Variants in MMS19 observed in about 807,000 individuals in gnomAD.
The protein encoded by MMS19 is MMS19 cytosolic iron-sulfur assembly component.
Under a neutral mutation model 129.8 loss-of-function variants are expected in MMS19, and 77 were observed. The observed-to-expected ratio is 0.59, with a 90% confidence interval of 0.49 to 0.72. The LOEUF (loss-of-function observed/expected upper bound fraction) is 0.72, where lower values mean the gene tolerates loss of function less well. Among genes scored for constraint, MMS19 ranks in the 30% least tolerant of loss-of-function variants. The pLI, the probability that MMS19 is intolerant of heterozygous loss-of-function variation, is 0.00. For missense variants in MMS19, 1,168 were observed against 1,266.3 expected (o/e 0.92, Z 1.18); for synonymous variants, 491 against 502.8 (o/e 0.98, Z 0.31).
chr10:97,464,908 C>T (rs964461123), intron 18 of MMS19, among the ~76,000 whole-genome samples: 4 of 152,014 alleles, frequency 2.6e-5, no homozygotes, highest in Admixed American at 6.6e-5. Context: ...CATGTTGCAT[C>T]GGCTGGTTAG....
At chr10:97,461,749 G>T (rs1389655032) in intron 22 of MMS19, 79 bp downstream of exon 22, 17 of 1,550,076 alleles carry the variant, frequency 1.1e-5, no homozygotes, top group Non-Finnish European at 1.3e-5. Flanking sequence ...TAAAAGATCA[G>T]CTTAGCCTGT....
intron 29 of MMS19, 41 bp from the exon 30 acceptor site, chr10:97,458,941 G>C: frequency 1.3e-6 from 2 of 1,581,788 alleles, no homozygotes; most frequent in South Asian, 2.2e-5. Flanking sequence ...CTCATCCAAG[G>C]CAACTGAAAG....
At chr10:97,470,713 T>C (rs2034512229) in intron 9 of MMS19, 62 bp downstream of exon 9, 7 of 1,044,430 alleles carry the variant, frequency 6.7e-6, no homozygotes, top group Non-Finnish European at 1.0e-5. Flanking sequence ...ATGCTTTTAC[T>C]GCTCTTTCTT....
intron 19 of MMS19, chr10:97,462,927 A>T (rs773174918): frequency 9.4e-5 from 38 of 404,252 alleles, no homozygotes; most frequent in Non-Finnish European, 1.4e-4. Flanking sequence ...CAACAGTGGG[A>T]AAGAGGGATA....
At chr10:97,475,816 G>A (rs774078357) in intron 8 of MMS19, among the ~76,000 whole-genome samples, 2 of 152,102 alleles carry the variant, frequency 1.3e-5, no homozygotes, top group African/African-American at 2.4e-5. Context: ...AGAAGAATGT[G>A]GGAGCTAAAC....
intron 1 of MMS19, among the ~76,000 whole-genome samples, chr10:97,489,082 C>T (rs1270344775): frequency 6.6e-6 from 1 of 152,132 alleles, no homozygotes; most frequent in Non-Finnish European, 1.5e-5. Flanking sequence ...CTCAAGTGAT[C>T]CGCCTGCCTT....
Position 97,462,403 on chromosome 10 carries a change from C to T in MMS19, c.2012+180G>A, listed in dbSNP as rs74847257. 3.5e-3 allele frequency among the ~76,000 whole-genome samples: 530 copies of T among 152,364 alleles called. 2 individuals are homozygous for T. The highest frequency in any genetic ancestry group is 5.3e-3 in the Non-Finnish European group (363 of 68,034). On this transcript the variant is annotated intron_variant, in intron 20 of 30. Transcript: ENST00000438925. ...ACCACTGGCCCTGGCTTCCCACCCT[C>T]ATAGTCCATGGTGCTAAGAGCCCCT...
Position 97,477,379 on chromosome 10 carries a change from A to G in MMS19, c.461T>C (p.Ile154Thr), listed in dbSNP as rs2035954621. ...CCGGGTTCGCATAAAATTGGTGATG[A>G]TATTGTAGACTGTGTGTCGGTCCAC... The part of the protein sequence containing the change: ...PQVDRHTVYN[I>T]ITNFMRTREE... Residue 154 changes from isoleucine (I) to threonine (T), a missense_variant, in exon 6 of 31, where the codon ATC becomes ACC. By Grantham distance (89) the Ile-to-Thr change is moderately conservative (BLOSUM62 -1). This residue lies in a region of MMS19 where 329 missense variants were observed against 328.6 expected (regional missense o/e 1.00). Transcript: ENST00000438925. 6.2e-7 allele frequency: 1 copy of G among 1,613,882 alleles called. No homozygotes were observed. The highest frequency in any genetic ancestry group is 1.1e-5 in the South Asian group (1 of 91,078).
intron 1 of MMS19, among the ~76,000 whole-genome samples, chr10:97,487,716 AT>A (rs1480931197): frequency 6.6e-6 from 1 of 152,240 alleles, no homozygotes; most frequent in Non-Finnish European, 1.5e-5. Flanking sequence ...AATAATGATC[AT>A]AGGACAAACT....
rs1233708906 is a variant in MMS19, at chr10:97,462,578, C to T, written c.2012+5G>A. 6.2e-7 allele frequency: 1 copy of T among 1,609,236 alleles called. No individual in the cohort carries two copies. The highest frequency in any genetic ancestry group is 1.1e-5 in the South Asian group (1 of 90,968). On this transcript the variant is annotated splice_donor_5th_base_variant and intron_variant, in intron 20 of 30. Transcript: ENST00000438925. ...GGTTCAAGCCACATCCATGATTATA[C>T]TTACTCAGGGCTCAGGTGGGTTGTA...
intron 1 of MMS19, among the ~76,000 whole-genome samples, chr10:97,488,231 C>A (rs998419241): frequency 6.6e-5 from 10 of 152,168 alleles, no homozygotes; most frequent in Non-Finnish European, 1.2e-4. Flanking sequence ...TTAAACTACA[C>A]AGAAACTTTT....
At chr10:97,484,733 C>T (rs566290602) in intron 1 of MMS19, among the ~76,000 whole-genome samples, 3 of 152,234 alleles carry the variant, frequency 2.0e-5, no homozygotes, top group South Asian at 2.1e-4. Flanking sequence ...CTGGCTAACA[C>T]GGTGAAACCC....
chr10:97,468,619 G>T (rs1050610519), intron 12 of MMS19, among the ~76,000 whole-genome samples: 1 of 148,440 alleles, frequency 6.7e-6, no homozygotes, highest in Non-Finnish European at 1.5e-5. Context: ...AATGTCATTT[G>T]TTTTTTTTTT....
At chr10:97,481,684 C>T (rs1041441482) in intron 2 of MMS19, among the ~76,000 whole-genome samples, 10 of 151,926 alleles carry the variant, frequency 6.6e-5, no homozygotes, top group African/African-American at 2.2e-4. Flanking sequence ...AATTGCTCTA[C>T]GGAGATTATA....
rs11592973 is a variant in MMS19 at position 97,469,732 on chromosome 10, G to A, written c.847-9C>T. 395,909 of 1,611,122 alleles carry A rather than the reference G, an allele frequency of 0.25. 50,864 individuals carry two copies. The highest frequency in any genetic ancestry group is 0.27 in the Non-Finnish European group (313,469 of 1,177,588). On this transcript the variant is annotated splice_polypyrimidine_tract_variant and intron_variant, in intron 10 of 30. Transcript: ENST00000438925. ...ACAGCACAGCAAGCATTCTGCCAAG[G>A]AAACCGCTGCTATCAGTTATGTACA... is the stretch of plus-strand genomic sequence containing the variant.
intron 3 of MMS19, chr10:97,480,099 G>A (rs748293186): frequency 1.4e-5 from 5 of 356,550 alleles, no homozygotes; most frequent in Non-Finnish European, 2.7e-5. Context: ...GAATATCATG[G>A]TGCCCTGCAT....
intron 1 of MMS19, among the ~76,000 whole-genome samples, chr10:97,490,344 T>A (rs1010847780): frequency 6.6e-6 from 1 of 152,176 alleles, no homozygotes; most frequent in African/African-American, 2.4e-5. Context: ...CCTCTCAAAG[T>A]GCTGGGACTA....
At chr10:97,482,733 T>TAC (rs1450510190) in intron 2 of MMS19, among the ~76,000 whole-genome samples, 18 of 114,332 alleles carry the variant, frequency 1.6e-4, no homozygotes, top group Admixed American at 6.5e-4. Context: ...TGTGTGTATA[T>TAC]ATATACACAC....
At chr10:97,464,691 ATTT>A (rs756050923) in intron 18 of MMS19, among the ~76,000 whole-genome samples, 2 of 138,722 alleles carry the variant, frequency 1.4e-5, no homozygotes, top group African/African-American at 2.7e-5. Context: ...TACCTAGGTA[ATTT>A]TTTTTTTTTT....
Sources: allele counts gnomAD v4.1 joint callset (sites outside exome capture counted in the v4.1 genomes callset), GRCh38; gene constraint gnomAD v4.1.1; regional missense constraint gnomAD v4.1.1; transcripts MANE v1.5; gene names NCBI Gene and HGNC (gene_info 2026-07-23, HGNC 2026-07-21).